The following LMNB2 variants were observed in gnomAD, a reference collection of about 807,000 sequenced individuals.
LMNB2 encodes the protein lamin-B2.
LMNB2 carries 17 observed loss-of-function variants against 69.3 expected under a neutral mutation model. That is an observed-to-expected ratio of 0.25 (90% CI 0.17 to 0.37). The LOEUF is 0.37. Among genes scored for constraint, LMNB2 ranks in the 10% least tolerant of loss-of-function variants. The pLI, the probability that LMNB2 is intolerant of heterozygous loss-of-function variation, is 1.00. For missense variants in LMNB2, 789 were observed against 883.6 expected, an observed-to-expected ratio of 0.89 and a Z score of 1.36; for synonymous variants, 397 against 389.3, an observed-to-expected ratio of 1.02 and a Z score of -0.23.
In LMNB2 at chr19:2,434,486, C is replaced by T. The variant is rs1190475324; in HGVS notation, c.1011G>A (p.Glu337=). ...GCTCCCCGGCCATGGCCTCCTCCAGCTCCCGAATGCGATCTTCAGCGGCAC... is the reference window on the plus strand; with the variant it reads ...GCTCCCCGGCCATGGCCTCCTCCAGTTCCCGAATGCGATCTTCAGCGGCAC... The part of the protein sequence containing the change: ...QASAAEDRIR[E]LEEAMAGERD... The change falls in exon 7 of 12, where the codon GAG becomes GAA. Residue 337 remains glutamate (E), a synonymous_variant. Coordinates refer to ENST00000325327, the MANE Select transcript of LMNB2 (RefSeq NM_032737.4). 1.9e-6 allele frequency: 3 copies of T among 1,613,130 alleles called. No individual in the cohort carries two copies. In the African/African-American group the frequency reaches 4.0e-5, roughly 21 times the overall value.
In LMNB2 at chr19:2,430,888, G is replaced by T; in HGVS notation, c.*23C>A. On this transcript the variant is annotated 3_prime_UTR_variant, in exon 12 of 12. Coordinates refer to ENST00000325327, the MANE Select transcript of LMNB2 (RefSeq NM_032737.4). ...TTTCAGTGGCTCTGGGTAAAGAAAG[G>T]TGTGTGGATGAGGAGTGTGGGTTCA... 6.8e-7 allele frequency: 1 copy of T among 1,479,870 alleles called. No individual in the cohort carries two copies. The allele number at this position is 1,479,870 out of a possible 1,614,324, so 91.7% of individuals were successfully genotyped here.
intron 1 of LMNB2, 86 bp from the exon 2 acceptor site, chr19:2,444,626 C>T (rs1341806000): frequency 1.9e-6 from 3 of 1,545,042 alleles, no homozygotes; most frequent in African/African-American, 1.4e-5. Flanking sequence ...TGGCCCTGCT[C>T]AGATTCCCAG....
At chr19:2,446,752 T>A (rs1023577546) in intron 1 of LMNB2, among the ~76,000 whole-genome samples, 3 of 151,436 alleles carry the variant, frequency 2.0e-5, no homozygotes, top group Admixed American at 6.6e-5. Flanking sequence ...GTCCAGGGGC[T>A]CCCCCAAGAG....
At chr19:2,444,567 C>G (rs4806848) in intron 1 of LMNB2, 27 bp from the exon 2 acceptor site, 1 of 1,604,100 alleles carries the variant, frequency 6.2e-7, no homozygotes, top group African/African-American at 1.3e-5. Flanking sequence ...CAGGGTGAAG[C>G]GAGAGGGACC....
Position 2,434,910 on chromosome 19 carries a change from C to A in LMNB2, c.859G>T (p.Asp287Tyr). The A allele has an allele frequency of 1.2e-6, 2 of 1,603,510 alleles. No homozygotes were observed. The highest frequency in any genetic ancestry group is 1.7e-6 in the Non-Finnish European group (2 of 1,178,652). The change falls in exon 6 of 12, where the codon GAC becomes TAC. Residue 287 changes from aspartate (D) to tyrosine (Y), a missense_variant. Physicochemically the swap from Asp to Tyr is radical, Grantham distance 160. Around this residue, in one of 3 missense-constraint regions of LMNB2, gnomAD observed 609 missense variants for 630.9 expected, o/e 0.97. Coordinates refer to ENST00000325327, the MANE Select transcript of LMNB2 (RefSeq NM_032737.4). Reference sequence around the variant, plus strand: ...TGGTCAGAGCTCAGCTTGGCGCTGTCCAGCTGTGGGGAGACGGGCGGGTGA... The same window carrying A: ...TGGTCAGAGCTCAGCTTGGCGCTGTACAGCTGTGGGGAGACGGGCGGGTGA... ...ELEQTYQAKL[D>Y]SAKLSSDQND...
intron 4 of LMNB2, 62 bp from the exon 5 acceptor site, chr19:2,435,233 G>A: frequency 1.9e-6 from 3 of 1,586,194 alleles, no homozygotes; most frequent in South Asian, 1.1e-5. Flanking sequence ...AGGCCCAAGG[G>A]AGGGCTCAAA....
At chr19:2,435,932 C>G (rs768964054) in intron 4 of LMNB2, among the ~76,000 whole-genome samples, 50 of 151,944 alleles carry the variant, frequency 3.3e-4, no homozygotes, top group Non-Finnish European at 4.4e-4. Flanking sequence ...AGGCAGATCA[C>G]GAGGTCAGGA....
rs1268005932 is a variant in LMNB2, at chr19:2,431,822, G to A, written c.1671C>T (p.Gly557=). The part of the protein sequence containing the change: ...VWKGQSSWGT[G]ESFRTVLVNA... ...TAACCAGGACGGTGCGGAAGCTCTC[G>A]CCCGTGCCCCAGCTGCTCTGGCCCT... Residue 557 remains glycine, a synonymous_variant, in exon 10 of 12, where the codon GGC becomes GGT. Transcript: ENST00000325327. 12 of 1,613,662 alleles carry A rather than the reference G, an allele frequency of 7.4e-6. No homozygotes were observed. The highest frequency in any genetic ancestry group is 2.2e-5 in the South Asian group (2 of 91,074).
Position 2,456,943 on chromosome 19 carries a change from G to T in LMNB2, c.-10C>A. The T allele has an allele frequency of 3.0e-6, 3 of 987,450 alleles. No individual in the cohort carries two copies. The highest frequency in any genetic ancestry group is 3.6e-6 in the Non-Finnish European group (3 of 832,846). The allele number at this position is 987,450 out of a possible 1,614,324, so 61.2% of individuals were successfully genotyped here. ...GGCTCGGCGGGCTCATTCAATCCGC[G>T]CCGCCGGCTGCAAGATGGCGCCGCG... On this transcript the variant is annotated 5_prime_UTR_variant, in exon 1 of 12. Transcript: ENST00000325327.
chr19:2,456,653 T>C lies in LMNB2; in HGVS notation c.264+17A>G. On this transcript the variant is annotated intron_variant, in intron 1 of 11. Transcript: ENST00000325327. ...GCCGGCTGCACCCCCGCCCGGCCCC[T>C]AAGCCCCGGCGCCCACCTCGCGCGT... The C allele has an allele frequency of 2.7e-6, 4 of 1,493,366 alleles. No individual in the cohort carries two copies. The highest frequency in any genetic ancestry group is 2.7e-6 in the Non-Finnish European group (3 of 1,118,938). The allele number at this position is 1,493,366 out of a possible 1,614,324, so 92.5% of individuals were successfully genotyped here.
rs188638425 is a variant in LMNB2, at chr19:2,447,108, C to T, written c.265-2568G>A. Among the ~76,000 whole-genome samples, 121 of 151,974 alleles carry T rather than the reference C, an allele frequency of 8.0e-4. No homozygotes were observed. The highest frequency in any genetic ancestry group is 2.7e-3 in the African/African-American group (112 of 41,424). On this transcript the variant is annotated intron_variant, in intron 1 of 11. Coordinates refer to ENST00000325327, the MANE Select transcript of LMNB2 (RefSeq NM_032737.4). This position sits in a 1 kb window ranked among gnomAD's most constrained non-coding sequence, Gnocchi z 4.4. ...GCAGTGAGCCGAGATCGCACCACTG[C>T]CCTCCAGCCTGGGAGACAGAGCGAG...
In LMNB2 at chr19:2,434,990, G is replaced by T. The variant is rs759467998; in HGVS notation, c.855+11C>A. The stretch of plus-strand genomic sequence containing the variant: ...ACCGGCCGCCCCCGCCCACCCGCCT[G>T]CCGGCCACACCTTGGCCTGGTAGGT... On this transcript the variant is annotated intron_variant, in intron 5 of 11. Coordinates refer to ENST00000325327, the MANE Select transcript of LMNB2 (RefSeq NM_032737.4). 1.2e-6 allele frequency: 2 copies of T among 1,601,594 alleles called. No homozygotes were observed. The highest frequency in any genetic ancestry group is 1.1e-5 in the South Asian group (1 of 90,996).
rs1172105278 is a variant in LMNB2 at position 2,430,719 on chromosome 19, G to GGCGAAGTGGCA, written c.*181_*191dup. 7 of 676,448 alleles carry GGCGAAGTGGCA rather than the reference G, an allele frequency of 1.0e-5. No individual in the cohort carries two copies. Among genetic ancestry groups the GGCGAAGTGGCA allele is most frequent in the African/African-American group, 1.8e-5 (1 of 56,450 alleles). The allele number at this position is 676,448 out of a possible 1,614,324, so 41.9% of individuals were successfully genotyped here. ...GGGATTGAAAAGTCTCCGGGGCAGC[G>GGCGAAGTGGCA]GCGAAGTGGCAGCGAAGTGAGGCTG... On this transcript the variant is annotated 3_prime_UTR_variant, in exon 12 of 12. Transcript: ENST00000325327.
rs80191680 is a variant in LMNB2, at chr19:2,452,382, C to G, written c.264+4288G>C. On this transcript the variant is annotated intron_variant, in intron 1 of 11. Coordinates refer to ENST00000325327, the MANE Select transcript of LMNB2 (RefSeq NM_032737.4). Reference sequence around the variant, plus strand: ...CCAGGAGGTAGAGGTTGCAGTGAGCCAAGATCACGCCACTGCACACCAGCC... The same window carrying G: ...CCAGGAGGTAGAGGTTGCAGTGAGCGAAGATCACGCCACTGCACACCAGCC... Among the ~76,000 whole-genome samples the G allele has an allele frequency of 6.1e-3, 923 of 151,406 alleles. 32 individuals are homozygous for G. In the East Asian group the frequency reaches 0.095, roughly 16 times the overall value.
At chr19:2,454,666 G>A (rs532193489) in intron 1 of LMNB2, among the ~76,000 whole-genome samples, 2 of 152,238 alleles carry the variant, frequency 1.3e-5, no homozygotes, top group African/African-American at 4.8e-5. Flanking sequence ...GGGACTGGGC[G>A]CTGCAAATCC....
In LMNB2 at chr19:2,431,577, A is replaced by G. The variant is rs1971740348; in HGVS notation, c.1792T>C (p.Phe598Leu). 3 of 1,613,900 alleles carry G rather than the reference A, an allele frequency of 1.9e-6. No homozygotes were observed. Among genetic ancestry groups the G allele is most frequent in the Non-Finnish European group, 2.5e-6 (3 of 1,179,962 alleles). Reference protein sequence around the residue: ...NGEEEEEEAEFGEEDLFHQQG... With the variant: ...NGEEEEEEAELGEEDLFHQQG... Reference sequence around the variant, plus strand: ...TGGTGGAAAAGATCCTCCTCGCCAAACTCGGCTTCCTCCTCCTCTTCCTCC... The same window carrying G: ...TGGTGGAAAAGATCCTCCTCGCCAAGCTCGGCTTCCTCCTCCTCTTCCTCC... Residue 598 changes from phenylalanine to leucine, a missense_variant, in exon 11 of 12, where the codon TTT becomes CTT. By Grantham distance (22) the Phe-to-Leu change is conservative. Coordinates refer to ENST00000325327, the MANE Select transcript of LMNB2 (RefSeq NM_032737.4).
At chr19:2,434,730 G>A in intron 6 of LMNB2, 58 bp downstream of exon 6, 1 of 1,563,896 alleles carries the variant, frequency 6.4e-7, no homozygotes, top group Non-Finnish European at 8.6e-7. Flanking sequence ...CGCACATCCA[G>A]GGCAGGGCCC....
intron 2 of LMNB2, among the ~76,000 whole-genome samples, chr19:2,441,024 G>A (rs917067228): frequency 1.3e-5 from 2 of 152,180 alleles, no homozygotes; most frequent in Admixed American, 1.3e-4. Flanking sequence ...CTGAATTTGC[G>A]CCTTCTGTCA....
rs1971916183 is a variant in LMNB2, at chr19:2,443,110, C to T, written c.401+1294G>A. 6.6e-6 allele frequency among the ~76,000 whole-genome samples: 1 copy of T among 152,226 alleles called. No homozygotes were observed. The highest frequency in any genetic ancestry group is 2.4e-5 in the African/African-American group (1 of 41,464). ...CACAGAGCTGCTGCCTGAGCAGGTC[C>T]CGGGGTGCACCTGTGCTGTGTGGGA... On this transcript the variant is annotated intron_variant, in intron 2 of 11. Coordinates refer to ENST00000325327, the MANE Select transcript of LMNB2 (RefSeq NM_032737.4). The surrounding 1 kb of genome is among the most constrained non-coding windows in gnomAD (Gnocchi z 6.2).
Sources: allele counts gnomAD v4.1 joint callset (sites outside exome capture counted in the v4.1 genomes callset), GRCh38; gene constraint gnomAD v4.1.1; regional missense constraint gnomAD v4.1.1; non-coding constraint Gnocchi (gnomAD v3.1); transcripts MANE v1.5; gene names NCBI Gene and HGNC (gene_info 2026-07-23, HGNC 2026-07-21).